KIF1A: variants seen among roughly 807,000 people sequenced by gnomAD.
KIF1A encodes the protein kinesin-like protein KIF1A.
Under a neutral mutation model 227.3 loss-of-function variants are expected in KIF1A, and 46 were observed. The observed-to-expected ratio is 0.20, with a 90% confidence interval of 0.16 to 0.26. The LOEUF (loss-of-function observed/expected upper bound fraction) is 0.26. Among genes scored for constraint, KIF1A ranks in the 10% least tolerant of loss-of-function variants. The pLI is 1.00. For synonymous variants in KIF1A, 1,022 were observed against 1,012.8 expected, an observed-to-expected ratio of 1.01 and a Z score of -0.17; for missense variants, 1,683 against 2,485.9, an observed-to-expected ratio of 0.68 and a Z score of 6.87.
At chr2:240,805,322 G>A (rs1559544168) in intron 1 of KIF1A, among the ~76,000 whole-genome samples, 1 of 152,200 alleles carries the variant, frequency 6.6e-6, no homozygotes, top group African/African-American at 2.4e-5. Context: ...TAACATATGG[G>A]AAAGAACCAT....
At chr2:240,717,499 G>A (rs2044700662) in intron 48 of KIF1A, 93 bp from the exon 49 acceptor site, 5 of 1,144,044 alleles carry the variant, frequency 4.4e-6, no homozygotes, top group Non-Finnish European at 6.4e-6. Context: ...GCCGTGAGGG[G>A]CAGCCACAGA....
rs2045286506 is a variant in KIF1A, at chr2:240,720,926, G to C, written c.4856C>G (p.Ala1619Gly). The C allele has an allele frequency of 2.5e-6, 4 of 1,575,270 alleles. No individual in the cohort carries two copies. The highest frequency in any genetic ancestry group is 3.4e-6 in the Non-Finnish European group (4 of 1,159,492). ...GGAGCTCACTCACCTCAGGTCAGTG[G>C]CACCGTACCGCCCTTCAACCAGAGA... is the stretch of plus-strand genomic sequence containing the variant. Reference protein sequence around the residue: ...CPSLVEGRYGATDLRTPQPCS... With the variant: ...CPSLVEGRYGGTDLRTPQPCS... Residue 1619 changes from alanine (A) to glycine (G), a missense_variant, in exon 45 of 49, where the codon GCC (alanine) becomes GGC (glycine). Transcript: ENST00000498729.
chr2:240,776,636 A>G (rs2052756985), intron 10 of KIF1A, among the ~76,000 whole-genome samples: 1 of 152,192 alleles, frequency 6.6e-6, no homozygotes, highest in Non-Finnish European at 1.5e-5. Context: ...TAATGATCCC[A>G]CTAACTGTGG....
chr2:240,768,701 G>C (rs1412564751), intron 17 of KIF1A, among the ~76,000 whole-genome samples: 1 of 152,136 alleles, frequency 6.6e-6, no homozygotes, highest in Non-Finnish European at 1.5e-5. Context: ...TGGCCTGGTG[G>C]GAAAAGAGGG....
chr2:240,797,089 G>C (rs1040919117), intron 2 of KIF1A, among the ~76,000 whole-genome samples: 1 of 152,322 alleles, frequency 6.6e-6, no homozygotes, highest in East Asian at 1.9e-4. Context: ...AGAGGCCCCA[G>C]CACAAACTGC....
intron 2 of KIF1A, among the ~76,000 whole-genome samples, chr2:240,791,309 C>T (rs984557100): frequency 3.3e-5 from 5 of 152,164 alleles, no homozygotes; most frequent in East Asian, 3.9e-4. Context: ...TAGCACAGCC[C>T]GGCTGGGCCT....
intron 29 of KIF1A, 125 bp downstream of exon 29, chr2:240,747,111 G>A: frequency 1.5e-6 from 1 of 652,360 alleles, no homozygotes; most frequent in Non-Finnish European, 2.7e-6. Context: ...GGACCAGAGG[G>A]AAGAACCCCA....
intron 1 of KIF1A, among the ~76,000 whole-genome samples, chr2:240,815,668 C>T (rs1276146841): frequency 6.6e-6 from 1 of 152,118 alleles, no homozygotes; most frequent in East Asian, 1.9e-4. Context: ...TGTGAGGCAC[C>T]GTGCTGGCCC....
chr2:240,820,477 C>T (rs1235831413), upstream of KIF1A, among the ~76,000 whole-genome samples: 1 of 151,536 alleles, frequency 6.6e-6, no homozygotes, highest in Non-Finnish European at 1.5e-5. This position sits in a 1 kb window ranked among gnomAD's most constrained non-coding sequence, Gnocchi z 6.2. Context: ...TCGGACGCAG[C>T]GTCCCCTCCC....
intron 6 of KIF1A, 25 bp downstream of exon 6, chr2:240,786,310 A>G: frequency 6.2e-7 from 1 of 1,607,624 alleles, no homozygotes; most frequent in Non-Finnish European, 8.5e-7. Flanking sequence ...GAGGGCAGGG[A>G]GGTCCAGTGA....
At chr2:240,745,990 C>T (rs750178685) in intron 30 of KIF1A, 49 bp downstream of exon 30, 1 of 1,599,420 alleles carries the variant, frequency 6.3e-7, no homozygotes, top group South Asian at 1.1e-5. Context: ...GCTCAGGAAC[C>T]AGGTCTCAGC....
At position 240,775,373 on chromosome 2, in the gene KIF1A, C is replaced by T. The variant is rs1308911358; in HGVS notation, c.958+478G>A. On this transcript the variant is annotated intron_variant, in intron 11 of 48. Transcript: ENST00000498729. The surrounding 1 kb of genome is among the most constrained non-coding windows in gnomAD (Gnocchi z 5.5). The stretch of plus-strand genomic sequence containing the variant: ...GACTCTGAGGTTATTCCGGGATGGA[C>T]GGGATCAGCGTCGGGTGCATTTCAA... Among the ~76,000 whole-genome samples, 2 of 152,200 alleles carry T rather than the reference C, an allele frequency of 1.3e-5. No individual in the cohort carries two copies. Among genetic ancestry groups the T allele is most frequent in the Non-Finnish European group, 2.9e-5 (2 of 68,026 alleles).
chr2:240,749,243 C>T lies in KIF1A; in HGVS notation c.2977+1186G>A, dbSNP rs371001249. ...CCCAAGGCAGCCAGGATAGCAGAGC[C>T]GGGAGAACCAGACATCTTGCATCTT... On this transcript the variant is annotated intron_variant, in intron 28 of 48. Coordinates refer to ENST00000498729, the MANE Select transcript of KIF1A (RefSeq NM_001244008.2). Among the ~76,000 whole-genome samples the T allele has an allele frequency of 5.9e-5, 9 of 152,246 alleles. No individual in the cohort carries two copies. The East Asian group carries it at 1.4e-3, about 23-fold the overall frequency.
intron 9 of KIF1A, 72 bp downstream of exon 9, chr2:240,782,972 G>T: frequency 8.0e-7 from 1 of 1,246,622 alleles, no homozygotes. Flanking sequence ...GGAAACGAGG[G>T]TGACAGGGGC....
In KIF1A at chr2:240,772,969, G is replaced by A. The variant is rs1025462653; in HGVS notation, c.1180+145C>T. On this transcript the variant is annotated intron_variant, in intron 13 of 48. Transcript: ENST00000498729. Reference sequence around the variant, plus strand: ...CAGGGACAGGGATTTGGCCCAGAGGGGCTCTGGGAGCGGTGTGGAGCTGCC... The same window carrying A: ...CAGGGACAGGGATTTGGCCCAGAGGAGCTCTGGGAGCGGTGTGGAGCTGCC... 3 of 868,056 alleles carry A rather than the reference G, an allele frequency of 3.5e-6. No individual in the cohort carries two copies. In the African/African-American group the frequency reaches 5.1e-5, roughly 15 times the overall value. 53.8% of individuals were successfully genotyped at this position (868,056 alleles called of 1,614,324 possible).
Position 240,758,198 on chromosome 2 carries a change from C to T in KIF1A, c.2582+162G>A, listed in dbSNP as rs1270132233. Among the ~76,000 whole-genome samples the T allele has an allele frequency of 3.3e-5, 5 of 152,180 alleles. No homozygotes were observed. The highest frequency in any genetic ancestry group is 2.1e-4 in the South Asian group (1 of 4,826). ...CCCTGTGGTGTGTGGAGAGGAATGGCTGGGAGGAACCTCAGGCCAGGGAGG... is the reference window on the plus strand; with the variant it reads ...CCCTGTGGTGTGTGGAGAGGAATGGTTGGGAGGAACCTCAGGCCAGGGAGG... On this transcript the variant is annotated intron_variant, in intron 26 of 48. Transcript: ENST00000498729. This position sits in a 1 kb window ranked among gnomAD's most constrained non-coding sequence, Gnocchi z 5.2.
At chr2:240,728,285 G>T (rs1196883980) in intron 38 of KIF1A, 51 of 654,716 alleles carry the variant, frequency 7.8e-5, no homozygotes, top group Non-Finnish European at 1.2e-4. Context: ...ACAGCGGGTG[G>T]TCAGAGAAAG....
chr2:240,726,525 C>T lies in KIF1A; in HGVS notation c.4122+301G>A, dbSNP rs28578656. The stretch of plus-strand genomic sequence containing the variant: ...ACTTGGGAGGCTGAGGCAGGAGAAT[C>T]GCTTGAGCCTGGGAAGCGGAGGTTG... On this transcript the variant is annotated intron_variant, in intron 39 of 48. Coordinates refer to ENST00000498729, the MANE Select transcript of KIF1A (RefSeq NM_001244008.2). This position sits in a 1 kb window ranked among gnomAD's most constrained non-coding sequence, Gnocchi z 5.2. 0.044 allele frequency among the ~76,000 whole-genome samples: 6,638 copies of T among 152,152 alleles called. 426 individuals are homozygous for T. Among genetic ancestry groups the T allele is most frequent in the African/African-American group, 0.15 (6,079 of 41,482 alleles).
chr2:240,756,845 G>A (rs1002947582), intron 27 of KIF1A, among the ~76,000 whole-genome samples: 4 of 152,214 alleles, frequency 2.6e-5, no homozygotes, highest in Admixed American at 1.3e-4. Context: ...GGCTGCCTCC[G>A]CTAGGACAGT....
Sources: allele counts gnomAD v4.1 joint callset (sites outside exome capture counted in the v4.1 genomes callset), GRCh38; gene constraint gnomAD v4.1.1; non-coding constraint Gnocchi (gnomAD v3.1); transcripts MANE v1.5; gene names NCBI Gene and HGNC (gene_info 2026-07-23, HGNC 2026-07-21).